The following ELMO1 variants were observed in gnomAD, a reference collection of about 807,000 sequenced individuals.
ELMO1 encodes engulfment and cell motility protein 1.
Under a neutral mutation model 98.9 loss-of-function variants are expected in ELMO1, and 26 were observed. That is an observed-to-expected ratio of 0.26 (90% CI 0.19 to 0.36). The LOEUF is 0.36. Ranked by LOEUF, ELMO1 falls within the 10% of genes least tolerant of loss-of-function variation. The pLI, the probability that ELMO1 is intolerant of heterozygous loss-of-function variation, is 1.00. For missense variants in ELMO1, 627 were observed against 935.2 expected (o/e 0.67, Z 4.30); for synonymous variants, 346 against 346.0 (o/e 1.00, Z 0.00).
intron 16 of ELMO1, among the ~76,000 whole-genome samples, chr7:36,979,076 G>C (rs969046701): frequency 6.6e-6 from 1 of 152,078 alleles, no homozygotes; most frequent in Non-Finnish European, 1.5e-5. Context: ...CCCAGGCCCT[G>C]GCTTGTAAGT....
intron 13 of ELMO1, among the ~76,000 whole-genome samples, chr7:37,186,777 T>G (rs1791233858): frequency 6.6e-6 from 1 of 152,114 alleles, no homozygotes; most frequent in Non-Finnish European, 1.5e-5. Context: ...TCCCTCCCAT[T>G]CCCTCCCATC....
At chr7:37,281,578 G>A (rs1050305744) in intron 4 of ELMO1, among the ~76,000 whole-genome samples, 3 of 152,226 alleles carry the variant, frequency 2.0e-5, no homozygotes, top group Middle Eastern at 3.4e-3. Flanking sequence ...ATCACCATGG[G>A]TGAGTGTTAG....
chr7:37,168,021 G>A (rs1231325371), intron 13 of ELMO1, among the ~76,000 whole-genome samples: 2 of 151,644 alleles, frequency 1.3e-5, no homozygotes, highest in Admixed American at 6.6e-5. Flanking sequence ...CATATTTCTT[G>A]GAGGCTTTGT....
chr7:37,324,995 T>C (rs1305339748), intron 2 of ELMO1, among the ~76,000 whole-genome samples: 1 of 152,154 alleles, frequency 6.6e-6, no homozygotes, highest in Non-Finnish European at 1.5e-5. Context: ...TTAATTGAGA[T>C]AATGGTGTAA....
chr7:37,253,733 A>C (rs1795487325), intron 6 of ELMO1, among the ~76,000 whole-genome samples: 1 of 151,744 alleles, frequency 6.6e-6, no homozygotes, highest in Non-Finnish European at 1.5e-5. Flanking sequence ...AAAAAAAAAA[A>C]AAACAAAAAG....
At chr7:36,921,076 G>C (rs1344275178) in intron 16 of ELMO1, among the ~76,000 whole-genome samples, 1 of 152,194 alleles carries the variant, frequency 6.6e-6, no homozygotes, top group East Asian at 1.9e-4. Flanking sequence ...GAGGACGCAA[G>C]AAGGCATCAT....
chr7:37,052,314 T>C (rs1441472288), intron 15 of ELMO1, among the ~76,000 whole-genome samples: 1 of 152,252 alleles, frequency 6.6e-6, no homozygotes, highest in Non-Finnish European at 1.5e-5. Context: ...TACTCAAAGC[T>C]ATTTCATTTC....
At chr7:36,900,411 CAA>C (rs1219724134) in intron 16 of ELMO1, among the ~76,000 whole-genome samples, 1 of 152,202 alleles carries the variant, frequency 6.6e-6, no homozygotes, top group Admixed American at 6.5e-5. Flanking sequence ...TGAGCAATGT[CAA>C]AGGCTTTTAG....
chr7:36,916,537 T>G (rs1434011789), intron 16 of ELMO1, among the ~76,000 whole-genome samples: 1 of 152,238 alleles, frequency 6.6e-6, no homozygotes, highest in Non-Finnish European at 1.5e-5. Flanking sequence ...TTATATTAAG[T>G]AGTCTAGTTT....
At chr7:37,431,342 T>TAA (rs59912926) in intron 1 of ELMO1, among the ~76,000 whole-genome samples, 33,060 of 132,404 alleles carry the variant, frequency 0.25, 3,728 homozygotes, top group East Asian at 0.39. Flanking sequence ...GTCTCTAAAA[T>TAA]AAAAAAAAAT....
At chr7:37,049,875 T>C (rs1159367429) in intron 15 of ELMO1, among the ~76,000 whole-genome samples, 1 of 151,696 alleles carries the variant, frequency 6.6e-6, no homozygotes, top group African/African-American at 2.4e-5. Flanking sequence ...ACTCCCAGGT[T>C]CAAGCGATTA....
chr7:37,049,794 T>C (rs1045388254), intron 15 of ELMO1, among the ~76,000 whole-genome samples: 2 of 148,236 alleles, frequency 1.3e-5, no homozygotes, highest in Non-Finnish European at 1.5e-5. Flanking sequence ...TTTTTTTTTT[T>C]GAGATGGAGT....
chr7:37,142,549 C>G (rs548083654), intron 13 of ELMO1, among the ~76,000 whole-genome samples: 1 of 152,332 alleles, frequency 6.6e-6, no homozygotes, highest in South Asian at 2.1e-4. Flanking sequence ...TATGTCTCAA[C>G]TATGTTTTGT....
chr7:37,241,339 C>T lies in ELMO1; in HGVS notation c.449+3017G>A, dbSNP rs546732313. On this transcript the variant is annotated intron_variant, in intron 7 of 21. Transcript: ENST00000310758. ...AACCATTCAGTTTTATTATTATTAG[C>T]ATTTGCATGGTATATGTTTTTCCAT... Among the ~76,000 whole-genome samples, 354 of 152,100 alleles carry T rather than the reference C, an allele frequency of 2.3e-3. 4 individuals carry two copies. The highest frequency in any genetic ancestry group is 3.5e-3 in the Non-Finnish European group (236 of 67,924).
At chr7:36,916,054 C>T (rs1784666255) in intron 16 of ELMO1, among the ~76,000 whole-genome samples, 3 of 152,108 alleles carry the variant, frequency 2.0e-5, no homozygotes, top group African/African-American at 7.2e-5. Context: ...AGTTTTGTCA[C>T]CTTTAAAATG....
intron 1 of ELMO1, among the ~76,000 whole-genome samples, chr7:37,442,496 AG>A (rs1805452247): frequency 6.6e-6 from 1 of 152,214 alleles, no homozygotes. Flanking sequence ...TCATCCACAG[AG>A]GAAAAATGTT....
chr7:36,953,090 C>T (rs1788124753), intron 16 of ELMO1, among the ~76,000 whole-genome samples: 3 of 151,462 alleles, frequency 2.0e-5, no homozygotes, highest in Admixed American at 1.3e-4. Context: ...CTCAGCCTCC[C>T]GAGTAGCTGG....
At chr7:37,402,548 G>C (rs1731982) in intron 1 of ELMO1, among the ~76,000 whole-genome samples, 63,122 of 151,964 alleles carry the variant, frequency 0.42, 13,882 homozygotes, top group Non-Finnish European at 0.51. Flanking sequence ...TGAAGTATGA[G>C]CAGAAGACAG....
intron 4 of ELMO1, among the ~76,000 whole-genome samples, chr7:37,290,169 TAA>T (rs1252477518): frequency 6.6e-6 from 1 of 152,234 alleles, no homozygotes; most frequent in African/African-American, 2.4e-5. Context: ...TAACTGATAT[TAA>T]GAGACATATA....
Sources: gnomAD v4.1 joint callset for allele counts (sites outside exome capture counted in the v4.1 genomes callset) on GRCh38, gnomAD v4.1.1 for gene constraint, MANE v1.5 for transcripts, NCBI Gene and HGNC (gene_info 2026-07-23, HGNC 2026-07-21) for gene names.